CTTNBP2NL: variants seen among roughly 807,000 people sequenced by gnomAD.
The protein encoded by CTTNBP2NL is CTTNBP2 N-terminal-like protein.
Under a neutral mutation model 32.5 loss-of-function variants are expected in CTTNBP2NL, and 16 were observed. The ratio of observed to expected loss-of-function variants is 0.49; its 90% CI spans 0.33 to 0.75. CTTNBP2NL has a LOEUF of 0.75. CTTNBP2NL is among the 30% of genes least tolerant of loss of function. CTTNBP2NL has a pLI of 0.02. For missense variants in CTTNBP2NL, 645 were observed against 756.0 expected (o/e 0.85, Z 1.72); for synonymous variants, 298 against 289.4 (o/e 1.03, Z -0.30).
chr1:112,399,966 G>A (rs1570710885), intron 1 of CTTNBP2NL, among the ~76,000 whole-genome samples: 1 of 152,252 alleles, frequency 6.6e-6, no homozygotes, highest in African/African-American at 2.4e-5. Flanking sequence ...CTACTCGGGA[G>A]CCTGAGGCAG....
chr1:112,397,821 G>T (rs936896479), intron 1 of CTTNBP2NL, among the ~76,000 whole-genome samples: 2 of 152,210 alleles, frequency 1.3e-5, no homozygotes, highest in African/African-American at 4.8e-5. Context: ...CAAGGAGTTG[G>T]AATCACGGAG....
At chr1:112,406,628 G>A (rs549009354) in intron 1 of CTTNBP2NL, among the ~76,000 whole-genome samples, 2 of 152,256 alleles carry the variant, frequency 1.3e-5, no homozygotes, top group South Asian at 4.1e-4. Flanking sequence ...TTAGAACACT[G>A]TCTGGCATAC....
At chr1:112,447,623 T>A (rs967471451) in intron 3 of CTTNBP2NL, among the ~76,000 whole-genome samples, 8 of 152,230 alleles carry the variant, frequency 5.3e-5, no homozygotes, top group Middle Eastern at 3.4e-3. Flanking sequence ...AGTCTTCAGA[T>A]TTTCAGCACT....
upstream of CTTNBP2NL, among the ~76,000 whole-genome samples, chr1:112,391,719 C>T (rs918431428): frequency 6.6e-6 from 1 of 152,130 alleles, no homozygotes; most frequent in Non-Finnish European, 1.5e-5. Context: ...CCAGGCCGGG[C>T]GCGGTGGCTC....
chr1:112,407,659 A>G (rs1050454080), intron 1 of CTTNBP2NL, among the ~76,000 whole-genome samples: 3 of 152,170 alleles, frequency 2.0e-5, no homozygotes, highest in East Asian at 3.8e-4. Context: ...TGTTATGTGT[A>G]TTTAACACAT....
intron 3 of CTTNBP2NL, among the ~76,000 whole-genome samples, chr1:112,425,722 G>A (rs557426294): frequency 6.6e-6 from 1 of 151,780 alleles, no homozygotes; most frequent in Non-Finnish European, 1.5e-5. Flanking sequence ...AATTAGCTGG[G>A]TATGGTAGCG....
chr1:112,424,472 T>C (rs536003887), intron 3 of CTTNBP2NL, among the ~76,000 whole-genome samples: 1 of 152,388 alleles, frequency 6.6e-6, no homozygotes, highest in African/African-American at 2.4e-5. Context: ...CTCCAACTTG[T>C]ATTCTTTTTG....
chr1:112,459,156 CTGCCAAGT>C lies in CTTNBP2NL; in HGVS notation c.*1748_*1755del, dbSNP rs1445970073. 7 of 152,242 alleles carry C rather than the reference CTGCCAAGT, an allele frequency of 4.6e-5. No homozygotes were observed. The highest frequency in any genetic ancestry group is 4.6e-4 in the Admixed American group (7 of 15,288). The allele number at this position is 152,242 out of a possible 1,614,324, so 9.4% of individuals were successfully genotyped here. On this transcript the variant is annotated 3_prime_UTR_variant, in exon 6 of 6. Coordinates refer to ENST00000271277, the MANE Select transcript of CTTNBP2NL (RefSeq NM_018704.3). ...TCTGCAGCTGGATTTAGCTTGCAAGCTGCCAAGTTGCAACCTCTTTCATTCTAGAAACT... is the reference window on the plus strand; with the variant it reads ...TCTGCAGCTGGATTTAGCTTGCAAGCTGCAACCTCTTTCATTCTAGAAACT...
At chr1:112,402,432 G>A (rs1282316055) in intron 1 of CTTNBP2NL, among the ~76,000 whole-genome samples, 1 of 152,058 alleles carries the variant, frequency 6.6e-6, no homozygotes, top group African/African-American at 2.4e-5. Flanking sequence ...AAAAAGAAAA[G>A]TGAGAGCCAG....
chr1:112,393,497 A>G (rs1432948791), upstream of CTTNBP2NL, among the ~76,000 whole-genome samples: 1 of 152,230 alleles, frequency 6.6e-6, no homozygotes, highest in Non-Finnish European at 1.5e-5. Context: ...ATACAAATCT[A>G]AGATATTGTT....
Position 112,456,188 on chromosome 1 carries a change from G to A in CTTNBP2NL, c.696G>A (p.Glu232=). The part of the protein sequence containing the change: ...AAERKRGLQT[E]AQVEKQLSEF... The stretch of plus-strand genomic sequence containing the variant: ...AGAGAAAGAGAGGCTTGCAGACTGA[G>A]GCCCAGGTAGAGAAGCAGTTATCAG... Residue 232 remains glutamate, a synonymous_variant, in exon 6 of 6, where the codon GAG becomes GAA. Coordinates refer to ENST00000271277, the MANE Select transcript of CTTNBP2NL (RefSeq NM_018704.3). 1 of 1,614,114 alleles carries A rather than the reference G, an allele frequency of 6.2e-7. No homozygotes were observed. Among genetic ancestry groups the A allele is most frequent in the South Asian group, 1.1e-5 (1 of 91,066 alleles).
Position 112,460,905 on chromosome 1 carries a change from A to ATGTGTG in CTTNBP2NL, c.*3504_*3509dup. ...TGTCAATTTGTGTGTGTGTGTGTGTATGTGTGTGTGTGTGTGAATTCATAA... is the reference window on the plus strand; with the variant it reads ...TGTCAATTTGTGTGTGTGTGTGTGTATGTGTGTGTGTGTGTGTGTGTGAATTCATAA... On this transcript the variant is annotated 3_prime_UTR_variant, in exon 6 of 6. Transcript: ENST00000271277. 6.7e-6 allele frequency: 1 copy of ATGTGTG among 149,800 alleles called. No individual in the cohort carries two copies. The highest frequency in any genetic ancestry group is 2.1e-4 in the South Asian group (1 of 4,724). 9.3% of individuals were successfully genotyped at this position (149,800 alleles called of 1,614,324 possible).
At chr1:112,428,494 A>G (rs1649467515) in intron 3 of CTTNBP2NL, among the ~76,000 whole-genome samples, 1 of 152,142 alleles carries the variant, frequency 6.6e-6, no homozygotes, top group Admixed American at 6.6e-5. Context: ...GAATCTGCCT[A>G]AAAAACCAAC....
At chr1:112,446,459 TGGTAAAAGGGAAACATTGATGA>T (rs1650039904) in intron 3 of CTTNBP2NL, among the ~76,000 whole-genome samples, 2 of 152,186 alleles carry the variant, frequency 1.3e-5, no homozygotes, top group Non-Finnish European at 2.9e-5. Context: ...TAAAGAAACA[TGGTAAAAGGGAAACATTGATGA>T]GTCCCATGTT....
upstream of CTTNBP2NL, among the ~76,000 whole-genome samples, chr1:112,395,947 T>G (rs938461258): frequency 6.6e-6 from 1 of 152,220 alleles, no homozygotes. Context: ...GGTGGAAAGT[T>G]GCAGACCCCG....
At chr1:112,430,196 C>G (rs1173657518) in intron 3 of CTTNBP2NL, among the ~76,000 whole-genome samples, 1 of 101,570 alleles carries the variant, frequency 9.8e-6, no homozygotes. Flanking sequence ...CTTTTCTTTT[C>G]TTTTCTTTTC....
rs113510063 is a variant in CTTNBP2NL at position 112,416,893 on chromosome 1, A to G, written c.99+629A>G. Among the ~76,000 whole-genome samples, 1,379 of 152,272 alleles carry G rather than the reference A, an allele frequency of 9.1e-3. 30 individuals carry two copies. Among genetic ancestry groups the G allele is most frequent in the African/African-American group, 0.032 (1,328 of 41,548 alleles). ...TCCTAATAAATGTACATACATCCAT[A>G]TATCAAAATTTGAAATATAATATCT... On this transcript the variant is annotated intron_variant, in intron 3 of 5. Coordinates refer to ENST00000271277, the MANE Select transcript of CTTNBP2NL (RefSeq NM_018704.3).
intron 3 of CTTNBP2NL, among the ~76,000 whole-genome samples, chr1:112,428,925 T>C (rs186404159): frequency 0.011 from 1,647 of 152,306 alleles, 40 homozygotes; most frequent in African/African-American, 0.037. Flanking sequence ...GATTTCACTT[T>C]GTTTCATCTT....
chr1:112,453,522 C>G (rs550007271), intron 4 of CTTNBP2NL, among the ~76,000 whole-genome samples: 10 of 151,864 alleles, frequency 6.6e-5, no homozygotes, highest in Non-Finnish European at 1.0e-4. Context: ...GAGGCTGAGG[C>G]GGGTGGATCA....
Sources: allele counts gnomAD v4.1 joint callset (sites outside exome capture counted in the v4.1 genomes callset), GRCh38; gene constraint gnomAD v4.1.1; transcripts MANE v1.5; gene names NCBI Gene and HGNC (gene_info 2026-07-23, HGNC 2026-07-21).